The following VCAN variants were observed in gnomAD, a reference collection of about 807,000 sequenced individuals.
VCAN encodes the protein versican core protein.
In VCAN, 44 loss-of-function variants were observed where a neutral mutation model predicts 245.5. That is an observed-to-expected ratio of 0.18 (90% CI 0.14 to 0.23). The LOEUF (loss-of-function observed/expected upper bound fraction) is 0.23. Ranked by LOEUF, VCAN falls within the 10% of genes least tolerant of loss-of-function variation. VCAN has a pLI of 1.00. For synonymous variants in VCAN, 1,413 were observed against 1,437.0 expected (o/e 0.98, Z 0.38); for missense variants, 3,793 against 4,057.9 (o/e 0.93, Z 1.77).
intron 3 of VCAN, among the ~76,000 whole-genome samples, chr5:83,493,107 G>T (rs1202781347): frequency 1.3e-5 from 2 of 152,220 alleles, no homozygotes; most frequent in African/African-American, 4.8e-5. Context: ...TATGAGACAG[G>T]TGAGTGTTTC....
chr5:83,494,736 T>G (rs1233639990), intron 5 of VCAN, among the ~76,000 whole-genome samples: 1 of 152,208 alleles, frequency 6.6e-6, no homozygotes, highest in Non-Finnish European at 1.5e-5. Flanking sequence ...GAAGATAGCT[T>G]CAGTTCAGGA....
At chr5:83,548,123 GA>G in intron 10 of VCAN, 39 bp downstream of exon 10, 3 of 1,550,692 alleles carry the variant, frequency 1.9e-6, no homozygotes, top group Non-Finnish European at 2.7e-6. Flanking sequence ...GAACATTATT[GA>G]TTTTTTTTTA....
chr5:83,549,190 A>G lies in VCAN; in HGVS notation c.9493+1106A>G, dbSNP rs538640965. Among the ~76,000 whole-genome samples the G allele has an allele frequency of 5.9e-5, 9 of 152,374 alleles. No homozygotes were observed. In the South Asian group the frequency reaches 1.4e-3, roughly 25 times the overall value. ...ATTCTGGCTTCTGTTAGTTCCAAGT[A>G]CAAGAAGCAATTCAAAAAATCGTTT... On this transcript the variant is annotated intron_variant, in intron 10 of 14. Coordinates refer to ENST00000265077, the MANE Select transcript of VCAN (RefSeq NM_004385.5).
Position 83,484,948 on chromosome 5 carries a change from G to A in VCAN, c.70+1360G>A, listed in dbSNP as rs149449154. ...TTTGAATAGCAGAAAGGTCACTATA[G>A]TTGGAGAGCAGTGATCAAGGGGAAA... On this transcript the variant is annotated intron_variant, in intron 2 of 14. Transcript: ENST00000265077. Among the ~76,000 whole-genome samples the A allele has an allele frequency of 3.9e-5, 6 of 152,298 alleles. No individual in the cohort carries two copies. The East Asian group carries it at 9.7e-4, about 25-fold the overall frequency.
At chr5:83,505,283 C>T (rs550148815) in intron 5 of VCAN, among the ~76,000 whole-genome samples, 19 of 152,278 alleles carry the variant, frequency 1.2e-4, no homozygotes, top group East Asian at 7.7e-4. Context: ...AAGTCCCTTC[C>T]GCCTAGGAGC....
intron 5 of VCAN, among the ~76,000 whole-genome samples, chr5:83,495,708 T>G (rs1449480441): frequency 6.6e-6 from 1 of 152,202 alleles, no homozygotes. Flanking sequence ...ATATCTGAAA[T>G]GCTAGTAATA....
Position 83,490,440 on chromosome 5 carries a change from A to G in VCAN, c.413A>G (p.Asp138Gly). Residue 138 changes from aspartate to glycine, a missense_variant, in exon 3 of 15, where the codon GAC becomes GGC. By Grantham distance (94) the Asp-to-Gly change is moderately conservative. Transcript: ENST00000265077. ...TGTGACGTCATGTACGGGATTGAAG[A>G]CACACAAGACACGGTGTCACTGACT... ...YRCDVMYGIE[D>G]TQDTVSLTVD... The G allele has an allele frequency of 1.2e-6, 2 of 1,614,178 alleles. No individual in the cohort carries two copies. Among genetic ancestry groups the G allele is most frequent in the South Asian group, 1.1e-5 (1 of 91,086 alleles).
At chr5:83,522,736 G>A (rs945532289) in intron 7 of VCAN, among the ~76,000 whole-genome samples, 3 of 152,142 alleles carry the variant, frequency 2.0e-5, no homozygotes, top group African/African-American at 7.2e-5. Flanking sequence ...ATATCCCTAA[G>A]GTTGACAGAA....
rs548217750 is a variant in VCAN at position 83,500,220 on chromosome 5, T to C, written c.748+6289T>C. Among the ~76,000 whole-genome samples, 12 of 152,220 alleles carry C rather than the reference T, an allele frequency of 7.9e-5. No individual in the cohort carries two copies. The East Asian group carries it at 2.1e-3, about 27-fold the overall frequency. ...TTGCACACTATGATTCCGCCGATGG[T>C]TAAAGTAGTGATTCTTGATTTCAGA... On this transcript the variant is annotated intron_variant, in intron 5 of 14. Transcript: ENST00000265077.
intron 1 of VCAN, among the ~76,000 whole-genome samples, chr5:83,481,998 A>G (rs985454987): frequency 6.6e-6 from 1 of 152,248 alleles, no homozygotes; most frequent in Non-Finnish European, 1.5e-5. Context: ...CAGCTGAAAA[A>G]TATATACCAG....
chr5:83,474,606 G>C (rs1744317324), intron 1 of VCAN, among the ~76,000 whole-genome samples: 1 of 152,092 alleles, frequency 6.6e-6, no homozygotes, highest in Non-Finnish European at 1.5e-5. Flanking sequence ...TTGGCGCTTC[G>C]GCTCCCAGCC....
Position 83,535,396 on chromosome 5 carries a change from G to A in VCAN, c.4004-1611G>A, listed in dbSNP as rs78140569. Among the ~76,000 whole-genome samples the A allele has an allele frequency of 4.1e-3, 622 of 151,994 alleles. 2 individuals carry two copies. The highest frequency in any genetic ancestry group is 0.014 in the African/African-American group (581 of 41,474). On this transcript the variant is annotated intron_variant, in intron 7 of 14. Coordinates refer to ENST00000265077, the MANE Select transcript of VCAN (RefSeq NM_004385.5). ...AAGATGTGGTGGGATACAAAAGAGA[G>A]TTTTCTTTCTTGTTTCTATTAGAAT...
chr5:83,494,057 G>A (rs1363626981), intron 5 of VCAN, 126 bp downstream of exon 5: 8 of 1,484,612 alleles, frequency 5.4e-6, no homozygotes, highest in Middle Eastern at 1.8e-4. Flanking sequence ...TTGTTTATAC[G>A]ACTGTATGAT....
intron 5 of VCAN, among the ~76,000 whole-genome samples, chr5:83,496,268 C>T (rs1745158967): frequency 6.6e-6 from 1 of 152,204 alleles, no homozygotes; most frequent in Non-Finnish European, 1.5e-5. Context: ...TATAGACGTC[C>T]TCTCCCACTT....
At chr5:83,499,939 A>G (rs1745280476) in intron 5 of VCAN, among the ~76,000 whole-genome samples, 2 of 152,174 alleles carry the variant, frequency 1.3e-5, no homozygotes, top group Non-Finnish European at 2.9e-5. Flanking sequence ...CATTTAGATA[A>G]ACATCATCAA....
chr5:83,543,715 T>C (rs938128458), intron 8 of VCAN, among the ~76,000 whole-genome samples: 2 of 152,322 alleles, frequency 1.3e-5, no homozygotes, highest in Middle Eastern at 3.4e-3. Context: ...ACTAGGTACA[T>C]ATAGAGTTAA....
chr5:83,507,962 A>C (rs909292680), intron 5 of VCAN, among the ~76,000 whole-genome samples: 4 of 152,028 alleles, frequency 2.6e-5, no homozygotes, highest in African/African-American at 9.7e-5. Flanking sequence ...TTATTCCTGG[A>C]ATTTATTGTT....
Position 83,538,490 on chromosome 5 carries a change from C to T in VCAN, c.5487C>T (p.Ala1829=). The change falls in exon 8 of 15, where the codon GCC becomes GCT. Residue 1829 remains alanine, a synonymous_variant. Transcript: ENST00000265077. Reference sequence around the variant, plus strand: ...TGACCACTCTCCCACGTAGTCCTGCCTCTGTCTTTATGGAGCAGGGCTCTG... The same window carrying T: ...TGACCACTCTCCCACGTAGTCCTGCTTCTGTCTTTATGGAGCAGGGCTCTG... The part of the protein sequence containing the change: ...EGLTTLPRSP[A]SVFMEQGSGE... The T allele has an allele frequency of 1.2e-6, 2 of 1,614,000 alleles. No homozygotes were observed. The highest frequency in any genetic ancestry group is 1.7e-6 in the Non-Finnish European group (2 of 1,179,942).
chr5:83,538,677 G>C lies in VCAN; in HGVS notation c.5674G>C (p.Asp1892His). The change falls in exon 8 of 15, where the codon GAC (aspartate) becomes CAC (histidine). Residue 1892 changes from aspartate to histidine, a missense_variant. Asp to His is a moderately conservative substitution (Grantham distance 81). Transcript: ENST00000265077. The part of the protein sequence containing the change: ...PTGLVLSTVM[D>H]RVVAENITQT... The stretch of plus-strand genomic sequence containing the variant: ...AGGACTGGTTTTGAGTACAGTAATG[G>C]ACAGAGTAGTTGCTGAAAATATAAC... 1.2e-6 allele frequency: 2 copies of C among 1,614,076 alleles called. No individual in the cohort carries two copies. Among genetic ancestry groups the C allele is most frequent in the Non-Finnish European group, 1.7e-6 (2 of 1,179,968 alleles).
Sources: allele counts gnomAD v4.1 joint callset (sites outside exome capture counted in the v4.1 genomes callset), GRCh38; gene constraint gnomAD v4.1.1; transcripts MANE v1.5; gene names NCBI Gene and HGNC (gene_info 2026-07-23, HGNC 2026-07-21).